PHKA1: variants seen among roughly 807,000 people sequenced by gnomAD.
The protein encoded by PHKA1 is phosphorylase kinase regulatory subunit alpha 1, also known as phosphorylase b kinase regulatory subunit alpha, skeletal muscle isoform.
Under a neutral mutation model 110.2 loss-of-function variants are expected in PHKA1, and 60 were observed. The observed-to-expected ratio is 0.54, with a 90% CI of 0.44 to 0.68. The LOEUF (loss-of-function observed/expected upper bound fraction) is 0.68. Among genes scored for constraint, PHKA1 ranks in the 30% least tolerant of loss-of-function variants. The pLI, the probability that PHKA1 is intolerant of heterozygous loss-of-function variation, is 0.00. For missense variants in PHKA1, 801 were observed against 942.5 expected (o/e 0.85, Z 1.97); for synonymous variants, 316 against 333.6 (o/e 0.95, Z 0.58).
intron 29 of PHKA1, among the ~76,000 whole-genome samples, chrX:72,587,377 A>G (rs1337574252): frequency 8.9e-6 from 1 of 111,732 alleles, no homozygotes; most frequent in Non-Finnish European, 1.9e-5. Context: ...AGAGACAAGC[A>G]AATGCTGAGA....
chrX:72,705,148 AC>A (rs1249533249), intron 3 of PHKA1, 49 bp downstream of exon 3: 1 of 874,716 alleles, frequency 1.1e-6, no homozygotes, highest in African/African-American at 2.0e-5. Flanking sequence ...GGGTAGAGAT[AC>A]TATTACAATG....
At chrX:72,650,569 A>G in intron 12 of PHKA1, 101 bp from the exon 13 acceptor site, 1 of 646,851 alleles carries the variant, frequency 1.5e-6, no homozygotes, top group South Asian at 2.5e-5. Context: ...GCACCATAAC[A>G]TTCAAGAGAC....
intron 6 of PHKA1, among the ~76,000 whole-genome samples, chrX:72,673,545 A>G (rs1233553115): frequency 1.1e-4 from 12 of 111,670 alleles, no homozygotes; most frequent in African/African-American, 3.6e-4. Context: ...AAGTGGCAAA[A>G]AAGCTCTATA....
intron 29 of PHKA1, among the ~76,000 whole-genome samples, chrX:72,584,568 C>T (rs2052387568): frequency 9.0e-6 from 1 of 111,320 alleles, no homozygotes; most frequent in Non-Finnish European, 1.9e-5. Flanking sequence ...AAAGCTCTAT[C>T]TTTTGGGATA....
intron 3 of PHKA1, among the ~76,000 whole-genome samples, chrX:72,700,678 G>A (rs1278887445): frequency 3.6e-5 from 4 of 111,011 alleles, no homozygotes; most frequent in African/African-American, 1.3e-4. Flanking sequence ...TTTCATCCAT[G>A]GACAATTGTT....
chrX:72,582,230 G>A (rs2052347862), intron 31 of PHKA1, among the ~76,000 whole-genome samples, 168 bp downstream of exon 31: 1 of 111,010 alleles, frequency 9.0e-6, no homozygotes. Flanking sequence ...GTCTTCCTGC[G>A]GCCTACTTCT....
intron 2 of PHKA1, among the ~76,000 whole-genome samples, chrX:72,707,488 C>T (rs1404719251): frequency 9.0e-6 from 1 of 110,675 alleles, no homozygotes; most frequent in African/African-American, 3.4e-5. Context: ...ATATCTGTCT[C>T]CCCCATCAGA....
intron 2 of PHKA1, 37 bp downstream of exon 2, chrX:72,712,742 A>G: frequency 8.4e-7 from 1 of 1,186,184 alleles, no homozygotes; most frequent in Non-Finnish European, 1.1e-6. Context: ...CCAATCACAC[A>G]TAGCTCCAGA....
At chrX:72,656,502 T>C (rs1049582070) in intron 9 of PHKA1, among the ~76,000 whole-genome samples, 5 of 112,351 alleles carry the variant, frequency 4.5e-5, no homozygotes, top group African/African-American at 9.7e-5. Context: ...TGGTTTTATA[T>C]TTGTTAAGTT....
At chrX:72,624,416 T>G (rs2053023555) in intron 17 of PHKA1, among the ~76,000 whole-genome samples, 1 of 111,294 alleles carries the variant, frequency 9.0e-6, no homozygotes, top group Non-Finnish European at 1.9e-5. Flanking sequence ...ATATGATCTA[T>G]TTGACTAGCC....
intron 17 of PHKA1, among the ~76,000 whole-genome samples, chrX:72,626,591 T>A (rs1373352086): frequency 9.0e-6 from 1 of 111,501 alleles, no homozygotes; most frequent in African/African-American, 3.3e-5. Flanking sequence ...GACCCCCTTG[T>A]GGATTCCTGA....
intron 18 of PHKA1, chrX:72,621,968 AG>A: frequency 1.4e-6 from 1 of 740,409 alleles, no homozygotes. Context: ...CAATGGAATG[AG>A]TACTACAGAT....
chrX:72,659,265 G>A (rs1236556762), intron 8 of PHKA1, among the ~76,000 whole-genome samples: 1 of 111,231 alleles, frequency 9.0e-6, no homozygotes, highest in East Asian at 2.8e-4. Flanking sequence ...GATGGTTCCT[G>A]TGTTCCTTTG....
intron 18 of PHKA1, among the ~76,000 whole-genome samples, chrX:72,621,408 T>C (rs1381011705): frequency 8.9e-6 from 1 of 111,761 alleles, no homozygotes; most frequent in African/African-American, 3.3e-5. Flanking sequence ...GACATTTCAG[T>C]GGTGAAGAGG....
At chrX:72,662,786 A>G (rs1241079095) in intron 8 of PHKA1, among the ~76,000 whole-genome samples, 1 of 111,406 alleles carries the variant, frequency 9.0e-6, no homozygotes, top group Non-Finnish European at 1.9e-5. Flanking sequence ...ACAAACATCT[A>G]TTATGTGGAT....
chrX:72,640,554 A>G (rs942212036), intron 14 of PHKA1, among the ~76,000 whole-genome samples: 1 of 112,233 alleles, frequency 8.9e-6, no homozygotes, highest in Non-Finnish European at 1.9e-5. Flanking sequence ...ATTTTTCTAA[A>G]AACATGTTTG....
chrX:72,600,535 C>T (rs182483437), intron 28 of PHKA1, among the ~76,000 whole-genome samples: 39 of 111,777 alleles, frequency 3.5e-4, no homozygotes, highest in Non-Finnish European at 2.8e-4. Flanking sequence ...TCAAATTATT[C>T]GAGAAAACTG....
At position 72,619,260 on chromosome X, in the gene PHKA1, G is replaced by T; in HGVS notation, c.2183C>A (p.Pro728His). Reference sequence around the variant, plus strand: ...AGGTGAATCAAGTAAGTTGAATGAAGGCCGGGAAGCCTGAAATAACTTCGT... The same window carrying T: ...AGGTGAATCAAGTAAGTTGAATGAATGCCGGGAAGCCTGAAATAACTTCGT... ...LPTKLFQASRPSFNLLDSPHP... is the reference protein window; with the variant it reads ...LPTKLFQASRHSFNLLDSPHP... Residue 728 changes from proline (P) to histidine (H), a missense_variant, in exon 20 of 32, where the codon CCT becomes CAT. By Grantham distance (77) the Pro-to-His change is moderately conservative (BLOSUM62 -2). Transcript: ENST00000373542. 1 of 1,198,168 alleles carries T rather than the reference G, an allele frequency of 8.3e-7. No individual in the cohort carries two copies. The highest frequency in any genetic ancestry group is 1.1e-6 in the Non-Finnish European group (1 of 883,481).
In PHKA1 at chrX:72,593,375, C is replaced by T. The variant is rs782629783; in HGVS notation, c.3073-101G>A. 3.7e-5 allele frequency: 23 copies of T among 626,029 alleles called. No homozygotes were observed. In the South Asian group the frequency reaches 4.0e-4, roughly 11 times the overall value. The allele number at this position is 626,029 out of a possible 1,213,427, so 51.6% of individuals were successfully genotyped here. A position where few individuals can be genotyped will look rare whatever the true frequency, so the allele number is the denominator to read the frequency against. On this transcript the variant is annotated intron_variant, in intron 28 of 31. Coordinates refer to ENST00000373542, the MANE Select transcript of PHKA1 (RefSeq NM_002637.4). ...TTTTTGAGATGGAGTCTCGCTCTGT[C>T]GCCCAGGCTGGAGTGCAGTGGCGTG...
Sources: gnomAD v4.1 joint callset for allele counts (sites outside exome capture counted in the v4.1 genomes callset) on GRCh38, gnomAD v4.1.1 for gene constraint, MANE v1.5 for transcripts, NCBI Gene and HGNC (gene_info 2026-07-23, HGNC 2026-07-21) for gene names.